Variants in P4HA2 observed in about 807,000 individuals in gnomAD.
P4HA2 encodes the protein prolyl 4-hydroxylase subunit alpha 2.
Under a neutral mutation model 76.9 loss-of-function variants are expected in P4HA2, and 46 were observed. That is an observed-to-expected ratio of 0.60 (90% CI 0.47 to 0.76). The LOEUF (loss-of-function observed/expected upper bound fraction) is 0.76. Among genes scored for constraint, P4HA2 ranks in the 30% least tolerant of loss-of-function variants. P4HA2 has a pLI of 0.00. For missense variants in P4HA2, 583 were observed against 669.4 expected (o/e 0.87, Z 1.42); for synonymous variants, 243 against 254.0 (o/e 0.96, Z 0.41).
rs923511463 is a variant in P4HA2 at position 132,192,645 on chromosome 5, T to C, written c.*365A>G. The C allele has an allele frequency of 3.4e-5, 6 of 178,632 alleles. No homozygotes were observed. The highest frequency in any genetic ancestry group is 1.4e-4 in the African/African-American group (6 of 42,650). The allele number at this position is 178,632 out of a possible 1,614,324, so 11.1% of individuals were successfully genotyped here. A position where few individuals can be genotyped will look rare whatever the true frequency, so the allele number is the denominator to read the frequency against. ...CTGGTAGGGACATTTTATTTTTTGG[T>C]AAAGCCACAATAGATAGAAATGCCA... On this transcript the variant is annotated 3_prime_UTR_variant, in exon 15 of 15. Transcript: ENST00000360568.
intron 6 of P4HA2, among the ~76,000 whole-genome samples, chr5:132,210,083 G>A (rs1041741850): frequency 2.6e-5 from 4 of 152,184 alleles, no homozygotes; most frequent in African/African-American, 9.7e-5. Flanking sequence ...CAGCGACTGC[G>A]CAAACCTAAG....
chr5:132,195,659 A>G, intron 12 of P4HA2, 179 bp from the exon 13 acceptor site: 1 of 630,364 alleles, frequency 1.6e-6, no homozygotes, highest in South Asian at 1.8e-5. Context: ...CTACTTAACC[A>G]GTGTGATTCA....
In P4HA2 at chr5:132,195,490, T is replaced by G; in HGVS notation, c.1366-10A>C. 6.2e-7 allele frequency: 1 copy of G among 1,606,598 alleles called. No homozygotes were observed. The highest frequency in any genetic ancestry group is 1.3e-5 in the African/African-American group (1 of 74,898). On this transcript the variant is annotated splice_polypyrimidine_tract_variant and intron_variant, in intron 12 of 14. Coordinates refer to ENST00000360568, the MANE Select transcript of P4HA2 (RefSeq NM_001017974.2). ...CTTCTACATCACTCATCTGGAAATATAAGACATAGAGCTTGACCCTCCTAC... is the reference window on the plus strand; with the variant it reads ...CTTCTACATCACTCATCTGGAAATAGAAGACATAGAGCTTGACCCTCCTAC...
Position 132,194,929 on chromosome 5 carries a change from A to G in P4HA2, c.1528T>C (p.Trp510Arg). The change falls in exon 14 of 15, where the codon TGG becomes CGG. Residue 510 changes from tryptophan to arginine, a missense_variant. Transcript: ENST00000360568. ...CACTACCCCTTAAGACACTCACCCC[A>G]CTTGCAGCCCACAAGCACAGGGCAG... Reference protein sequence around the residue: ...AACPVLVGCKWVSNKWFHERG... With the variant: ...AACPVLVGCKRVSNKWFHERG... The G allele has an allele frequency of 6.2e-6, 10 of 1,607,564 alleles. No homozygotes were observed. Among genetic ancestry groups the G allele is most frequent in the African/African-American group, 1.3e-5 (1 of 74,914 alleles).
At chr5:132,224,372 T>C (rs533002132) in intron 1 of P4HA2, among the ~76,000 whole-genome samples, 1 of 152,368 alleles carries the variant, frequency 6.6e-6, no homozygotes, top group Non-Finnish European at 1.5e-5. Flanking sequence ...CTGAATGTGA[T>C]GACAGATGTT....
intron 10 of P4HA2, chr5:132,202,241 A>T (rs531571773): frequency 6.6e-6 from 1 of 152,158 alleles, no homozygotes; most frequent in African/African-American, 2.4e-5. Flanking sequence ...TCACAGTACT[A>T]TTTGCAAGGT....
At chr5:132,207,680 C>A in intron 8 of P4HA2, 28 bp downstream of exon 8, 15 of 1,599,774 alleles carry the variant, frequency 9.4e-6, no homozygotes, top group Non-Finnish European at 1.3e-5. Flanking sequence ...CCTTCAGTGA[C>A]CCGAGAAGGA....
In P4HA2 at chr5:132,210,862, G is replaced by A. The variant is rs549031650; in HGVS notation, c.470-339C>T. On this transcript the variant is annotated intron_variant, in intron 5 of 14. Transcript: ENST00000360568. ...GTGGACCACAGAGAAGAAGATGTCT[G>A]GTGGGCAGTTTGCCATATGAGTCTA... Among the ~76,000 whole-genome samples the A allele has an allele frequency of 2.0e-5, 3 of 152,270 alleles. No individual in the cohort carries two copies. In the East Asian group the frequency reaches 5.8e-4, roughly 29 times the overall value.
intron 3 of P4HA2, 179 bp from the exon 4 acceptor site, chr5:132,217,527 A>G (rs1754083094): frequency 1.5e-6 from 1 of 650,456 alleles, no homozygotes; most frequent in Admixed American, 2.8e-5. Flanking sequence ...TCTAGATAAC[A>G]GCTGGGACCC....
chr5:132,199,228 G>T (rs1751149357), intron 10 of P4HA2, among the ~76,000 whole-genome samples: 1 of 152,350 alleles, frequency 6.6e-6, no homozygotes, highest in African/African-American at 2.4e-5. Context: ...TGGACACTCA[G>T]ACAGCAGCAA....
intron 8 of P4HA2, among the ~76,000 whole-genome samples, chr5:132,206,740 G>T (rs1752259321): frequency 6.6e-6 from 1 of 152,156 alleles, no homozygotes; most frequent in African/African-American, 2.4e-5. Flanking sequence ...ATGAGACAAG[G>T]ATGCCTATTC....
intron 6 of P4HA2, 76 bp from the exon 7 acceptor site, chr5:132,209,407 A>T: frequency 8.3e-7 from 1 of 1,209,808 alleles, no homozygotes; most frequent in Non-Finnish European, 1.2e-6. Flanking sequence ...TTATTCTGTA[A>T]GGGTTTCTCT....
intron 10 of P4HA2, chr5:132,202,807 A>G (rs1352376872): frequency 6.6e-6 from 1 of 152,280 alleles, no homozygotes; most frequent in Non-Finnish European, 1.5e-5. Flanking sequence ...GTACTTGGAC[A>G]AGAACATTCC....
chr5:132,216,932 T>C (rs1753971933), intron 4 of P4HA2, among the ~76,000 whole-genome samples: 1 of 151,834 alleles, frequency 6.6e-6, no homozygotes, highest in African/African-American at 2.4e-5. Flanking sequence ...ATTGGAAAAA[T>C]GTCATTAGCA....
At chr5:132,194,520 A>G (rs989205697) in intron 14 of P4HA2, among the ~76,000 whole-genome samples, 4 of 152,122 alleles carry the variant, frequency 2.6e-5, no homozygotes, top group South Asian at 2.1e-4. Flanking sequence ...TCAAGTGACA[A>G]GGGAGCCAGC....
At position 132,198,874 on chromosome 5, in the gene P4HA2, CT is replaced by C; in HGVS notation, c.1305+4del. 1 of 1,607,238 alleles carries C rather than the reference CT, an allele frequency of 6.2e-7. No homozygotes were observed. The highest frequency in any genetic ancestry group is 8.5e-7 in the Non-Finnish European group (1 of 1,173,706). On this transcript the variant is annotated splice_donor_region_variant and intron_variant, in intron 11 of 14. Transcript: ENST00000360568. ...CTTTGAAAGCACCTGTGATTTAGGC[CT>C]TACCCTAGAGAAGTCGAAGTGCGGT...
chr5:132,223,102 G>A (rs1233792177), intron 1 of P4HA2, among the ~76,000 whole-genome samples: 12 of 152,192 alleles, frequency 7.9e-5, no homozygotes, highest in Non-Finnish European at 1.6e-4. Flanking sequence ...CCAGGCCCAC[G>A]CCAGAATCTC....
In P4HA2 at chr5:132,190,324, G is replaced by A. The variant is rs1330510922; in HGVS notation, c.*2686C>T. 1.3e-5 allele frequency among the ~76,000 whole-genome samples: 2 copies of A among 152,150 alleles called. No individual in the cohort carries two copies. The highest frequency in any genetic ancestry group is 4.8e-5 in the African/African-American group (2 of 41,424). On this transcript the variant is annotated 3_prime_UTR_variant, in exon 15 of 15. Transcript: ENST00000360568. ...TCCTTGTAGTCTCTACTGTTCTACT[G>A]TAGCTGCCACTCTGTAAACTACATT...
At chr5:132,224,107 A>T (rs1227171424) in intron 1 of P4HA2, among the ~76,000 whole-genome samples, 2 of 152,206 alleles carry the variant, frequency 1.3e-5, no homozygotes, top group Non-Finnish European at 2.9e-5. Flanking sequence ...TGGTCCCTTA[A>T]GTTCAGATGG....
Sources: allele counts gnomAD v4.1 joint callset (sites outside exome capture counted in the v4.1 genomes callset), GRCh38; gene constraint gnomAD v4.1.1; transcripts MANE v1.5; gene names NCBI Gene and HGNC (gene_info 2026-07-23, HGNC 2026-07-21).